The following MARK1 variants were observed in gnomAD, a reference collection of about 807,000 sequenced individuals.
MARK1 encodes microtubule affinity regulating kinase 1.
MARK1 carries 40 observed loss-of-function variants against 96.3 expected under a neutral mutation model. The observed-to-expected ratio is 0.42, with a 90% CI of 0.32 to 0.54. The LOEUF (loss-of-function observed/expected upper bound fraction) is 0.54. MARK1 is among the 20% of genes least tolerant of loss of function. The pLI is 0.16. For missense variants in MARK1, 719 were observed against 984.6 expected (o/e 0.73, Z 3.61); for synonymous variants, 317 against 341.2 (o/e 0.93, Z 0.78).
chr1:220,609,689 G>A (rs1666316050), intron 6 of MARK1, among the ~76,000 whole-genome samples: 1 of 152,166 alleles, frequency 6.6e-6, no homozygotes, highest in African/African-American at 2.4e-5. Flanking sequence ...GTAGTGGCTG[G>A]TACCAGTTGT....
chr1:220,580,239 T>C (rs1462236797), intron 2 of MARK1, among the ~76,000 whole-genome samples: 1 of 151,830 alleles, frequency 6.6e-6, no homozygotes, highest in Admixed American at 6.6e-5. Flanking sequence ...TCTCAGCACC[T>C]TGGGAGGCTG....
chr1:220,661,087 GTC>G (rs1466102976), intron 17 of MARK1, among the ~76,000 whole-genome samples: 4 of 152,222 alleles, frequency 2.6e-5, no homozygotes, highest in Non-Finnish European at 5.9e-5. Flanking sequence ...AGAGGGAACA[GTC>G]TGTGCAACAG....
intron 6 of MARK1, among the ~76,000 whole-genome samples, chr1:220,605,178 G>A (rs1428254455): frequency 6.6e-6 from 1 of 152,176 alleles, no homozygotes; most frequent in African/African-American, 2.4e-5. Flanking sequence ...AATTGACCAT[G>A]AAATGAGTGT....
In MARK1 at chr1:220,653,315, G is replaced by A. The variant is rs1668990246; in HGVS notation, c.1951G>A (p.Gly651Ser). 6.2e-7 allele frequency: 1 copy of A among 1,614,142 alleles called. No homozygotes were observed. Among genetic ancestry groups the A allele is most frequent in the Non-Finnish European group, 8.5e-7 (1 of 1,180,026 alleles). Residue 651 changes from glycine to serine, a missense_variant, in exon 16 of 18, where the codon GGT becomes AGT. By Grantham distance (56) the Gly-to-Ser change is moderately conservative. Transcript: ENST00000366917. ...FAHARRGTSTGIISKITSKFV... is the reference protein window; with the variant it reads ...FAHARRGTSTSIISKITSKFV... The stretch of plus-strand genomic sequence containing the variant: ...ACATGCCAGAAGGGGAACGTCAACT[G>A]GTATAATAAGCAAAATCACATCCAA...
rs894858254 is a variant in MARK1, at chr1:220,663,411, T to C, written c.*1245T>C. 6 of 152,732 alleles carry C rather than the reference T, an allele frequency of 3.9e-5. No individual in the cohort carries two copies. The highest frequency in any genetic ancestry group is 9.6e-5 in the African/African-American group (4 of 41,576). The allele number at this position is 152,732 out of a possible 1,614,324, so 9.5% of individuals were successfully genotyped here. On this transcript the variant is annotated 3_prime_UTR_variant, in exon 18 of 18. Coordinates refer to ENST00000366917, the MANE Select transcript of MARK1 (RefSeq NM_018650.5). ...TACTTTTCTTTCATAATTAGTGATA[T>C]ATGCGATGTAAAACCACTAGTAAAG...
intron 1 of MARK1, among the ~76,000 whole-genome samples, chr1:220,540,536 A>G (rs936036795): frequency 2.6e-5 from 4 of 152,228 alleles, no homozygotes; most frequent in African/African-American, 9.6e-5. Flanking sequence ...TCCTCAGCCC[A>G]GTCAAATTGA....
Position 220,602,989 on chromosome 1 carries a change from G to A in MARK1, c.425-1078G>A, listed in dbSNP as rs528384749. Among the ~76,000 whole-genome samples, 9 of 152,122 alleles carry A rather than the reference G, an allele frequency of 5.9e-5. No individual in the cohort carries two copies. The South Asian group carries it at 1.9e-3, about 32-fold the overall frequency. On this transcript the variant is annotated intron_variant, in intron 5 of 17. Transcript: ENST00000366917. ...TGAGTAGACAGTAGGTAGAAACTGA[G>A]TCTTAATGAAGTTAAGAAATCTTCC...
At chr1:220,562,278 A>G (rs1003092723) in intron 1 of MARK1, among the ~76,000 whole-genome samples, 1 of 152,132 alleles carries the variant, frequency 6.6e-6, no homozygotes, top group African/African-American at 2.4e-5. Context: ...CAGCCTGGCC[A>G]ACGTGGCGAA....
intron 13 of MARK1, among the ~76,000 whole-genome samples, chr1:220,643,184 A>G (rs1246796729): frequency 3.9e-5 from 6 of 152,200 alleles, no homozygotes; most frequent in South Asian, 4.1e-4. Flanking sequence ...TTCAAACCCA[A>G]TGCAAAGAAG....
intron 9 of MARK1, among the ~76,000 whole-genome samples, chr1:220,629,844 A>G (rs1393292398): frequency 6.6e-6 from 1 of 152,114 alleles, no homozygotes; most frequent in Non-Finnish European, 1.5e-5. Flanking sequence ...TTATCAATTC[A>G]TTTGTCAATG....
At chr1:220,580,201 G>C (rs1664139834) in intron 2 of MARK1, among the ~76,000 whole-genome samples, 1 of 151,734 alleles carries the variant, frequency 6.6e-6, no homozygotes, top group African/African-American at 2.4e-5. Context: ...ATCTCAATCA[G>C]GCCCAATGCA....
chr1:220,633,532 C>A (rs1667786770), intron 11 of MARK1, among the ~76,000 whole-genome samples: 1 of 152,134 alleles, frequency 6.6e-6, no homozygotes, highest in African/African-American at 2.4e-5. Context: ...TCTCTGCTCT[C>A]AAGGAGCCCT....
In MARK1 at chr1:220,528,555, G is replaced by A. The variant is rs1483349808; in HGVS notation, c.-268G>A. The stretch of plus-strand genomic sequence containing the variant: ...CTGCCAGCCTCGCCGCCCCGCCAGC[G>A]CCGGGCAACCGCCTCGCCCGAAGCC... On this transcript the variant is annotated 5_prime_UTR_variant, in exon 1 of 18. Coordinates refer to ENST00000366917, the MANE Select transcript of MARK1 (RefSeq NM_018650.5). 7 of 452,666 alleles carry A rather than the reference G, an allele frequency of 1.5e-5. No homozygotes were observed. Among genetic ancestry groups the A allele is most frequent in the Non-Finnish European group, 2.3e-5 (6 of 257,450 alleles). The allele number at this position is 452,666 out of a possible 1,614,324, so 28.0% of individuals were successfully genotyped here.
chr1:220,662,187 T>C lies in MARK1; in HGVS notation c.*21T>C. 1.3e-6 allele frequency: 2 copies of C among 1,564,424 alleles called. No homozygotes were observed. The highest frequency in any genetic ancestry group is 1.7e-6 in the Non-Finnish European group (2 of 1,145,620). Reference sequence around the variant, plus strand: ...TGTAAAGAAGTCCAAATTTACAGGTTCAGGGAAGATACATACATATATGAG... The same window carrying C: ...TGTAAAGAAGTCCAAATTTACAGGTCCAGGGAAGATACATACATATATGAG... On this transcript the variant is annotated 3_prime_UTR_variant, in exon 18 of 18. Transcript: ENST00000366917.
At chr1:220,622,202 TAGAA>T (rs1205788947) in intron 9 of MARK1, among the ~76,000 whole-genome samples, 3 of 152,332 alleles carry the variant, frequency 2.0e-5, no homozygotes, top group South Asian at 4.1e-4. Context: ...ATTTTTTTAT[TAGAA>T]AGAAACTGAA....
At position 220,635,889 on chromosome 1, in the gene MARK1, G is replaced by A. The variant is rs1667933724; in HGVS notation, c.1333G>A (p.Val445Met). ...TACCAAAAGACCTCAGGCTAACAGT[G>A]TGGAAAGTGAACAGAAAGAGGAGTG... Reference protein sequence around the residue: ...SYTKRPQANSVESEQKEEWDK... With the variant: ...SYTKRPQANSMESEQKEEWDK... Residue 445 changes from valine (V) to methionine (M), a missense_variant, in exon 13 of 18, where the codon GTG (valine) becomes ATG (methionine). Val to Met is a conservative substitution (Grantham distance 21). This residue lies in a region of MARK1 where 501 missense variants were observed against 588.3 expected (regional missense o/e 0.85). Coordinates refer to ENST00000366917, the MANE Select transcript of MARK1 (RefSeq NM_018650.5). 2 of 1,613,978 alleles carry A rather than the reference G, an allele frequency of 1.2e-6. No individual in the cohort carries two copies. Among genetic ancestry groups the A allele is most frequent in the South Asian group, 1.1e-5 (1 of 91,070 alleles).
intron 3 of MARK1, among the ~76,000 whole-genome samples, chr1:220,581,460 T>C (rs1664237025): frequency 1.3e-5 from 2 of 152,206 alleles, no homozygotes; most frequent in East Asian, 3.8e-4. Flanking sequence ...ATTAGACTTA[T>C]ATTAAATGAA....
At chr1:220,602,812 A>G (rs746733712) in intron 5 of MARK1, among the ~76,000 whole-genome samples, 1 of 151,984 alleles carries the variant, frequency 6.6e-6, no homozygotes, top group African/African-American at 2.4e-5. Context: ...TTGATTTTTA[A>G]TATTTTATTT....
intron 3 of MARK1, among the ~76,000 whole-genome samples, chr1:220,590,993 G>A (rs1050606086): frequency 1.3e-5 from 2 of 152,076 alleles, no homozygotes; most frequent in African/African-American, 2.4e-5. Context: ...CTGCCTACAC[G>A]TCTTTTTCTT....
Sources: allele counts gnomAD v4.1 joint callset (sites outside exome capture counted in the v4.1 genomes callset), GRCh38; gene constraint gnomAD v4.1.1; regional missense constraint gnomAD v4.1.1; transcripts MANE v1.5; gene names NCBI Gene and HGNC (gene_info 2026-07-23, HGNC 2026-07-21).